DLG2: variants seen among roughly 807,000 people sequenced by gnomAD.
The protein encoded by DLG2 is discs large MAGUK scaffold protein 2.
A neutral mutation model predicts 132.5 loss-of-function variants in DLG2; 45 were observed. That is an observed-to-expected ratio of 0.34 (90% confidence interval 0.27 to 0.44). The LOEUF is 0.44. Among genes scored for constraint, DLG2 ranks in the 20% least tolerant of loss-of-function variants. The probability of loss-of-function intolerance (pLI) is 1.00; values close to 1 mark genes in which losing one functional copy is unlikely to be tolerated. For synonymous variants in DLG2, 424 were observed against 419.6 expected, an observed-to-expected ratio of 1.01 and a Z score of -0.13; for missense variants, 1,045 against 1,196.9, an observed-to-expected ratio of 0.87 and a Z score of 1.87.
chr11:84,022,464 T>C (rs1469589659), intron 11 of DLG2, among the ~76,000 whole-genome samples: 2 of 152,144 alleles, frequency 1.3e-5, no homozygotes, highest in African/African-American at 2.4e-5. Context: ...ACAAAAGCTT[T>C]TGAGAAATAA....
chr11:85,107,816 T>C (rs1358420817), intron 6 of DLG2, among the ~76,000 whole-genome samples: 3 of 151,398 alleles, frequency 2.0e-5, no homozygotes, highest in Non-Finnish European at 4.4e-5. Context: ...ATTTCATGTA[T>C]TCAGAAAGTT....
intron 5 of DLG2, among the ~76,000 whole-genome samples, chr11:85,143,792 A>G (rs955985003): frequency 6.6e-6 from 1 of 151,806 alleles, no homozygotes; most frequent in African/African-American, 2.4e-5. Flanking sequence ...CAGAAAAGAT[A>G]TTTAATATAA....
chr11:84,852,263 C>G (rs757905230), intron 6 of DLG2, among the ~76,000 whole-genome samples: 27 of 151,908 alleles, frequency 1.8e-4, no homozygotes, highest in South Asian at 4.1e-4. Context: ...CAAAAAGATC[C>G]TTGGATCTAA....
At chr11:83,569,703 A>T (rs605303) in intron 19 of DLG2, among the ~76,000 whole-genome samples, 72,411 of 152,080 alleles carry the variant, frequency 0.48, 17,888 homozygotes, top group Admixed American at 0.57. Context: ...GAGGAGAGAA[A>T]GGGGATTTTG....
At chr11:85,242,797 T>C (rs1413689959) in intron 4 of DLG2, among the ~76,000 whole-genome samples, 1 of 151,998 alleles carries the variant, frequency 6.6e-6, no homozygotes, top group East Asian at 1.9e-4. Context: ...TTCTAACACC[T>C]GTGATCTACA....
chr11:84,439,236 T>C lies in DLG2; in HGVS notation c.519+95334A>G, dbSNP rs369889307. Among the ~76,000 whole-genome samples, 15 of 152,344 alleles carry C rather than the reference T, an allele frequency of 9.8e-5. No homozygotes were observed. The South Asian group carries it at 3.1e-3, about 32-fold the overall frequency. On this transcript the variant is annotated intron_variant, in intron 7 of 27. Coordinates refer to ENST00000376104, the MANE Select transcript of DLG2 (RefSeq NM_001142699.3). ...TTATTTGTTTTCTCTGGGTTCGATG[T>C]GCCTCATCTGTAAATTAAGAGAATT...
intron 19 of DLG2, among the ~76,000 whole-genome samples, chr11:83,565,219 G>T (rs555468662): frequency 1.1e-3 from 165 of 152,256 alleles, no homozygotes; most frequent in Non-Finnish European, 1.7e-3. Flanking sequence ...TGGAGAATCA[G>T]TTCCAACTGC....
chr11:84,890,418 A>G (rs1418451811), intron 6 of DLG2, among the ~76,000 whole-genome samples: 1 of 152,138 alleles, frequency 6.6e-6, no homozygotes, highest in Non-Finnish European at 1.5e-5. Context: ...TCATATTCTT[A>G]TAAGAATTGG....
At chr11:84,243,151 T>C (rs1420356260) in intron 8 of DLG2, among the ~76,000 whole-genome samples, 4 of 152,084 alleles carry the variant, frequency 2.6e-5, no homozygotes, top group Admixed American at 1.3e-4. Flanking sequence ...CTCTGTCTGA[T>C]AGAACTTTCT....
intron 3 of DLG2, among the ~76,000 whole-genome samples, chr11:85,590,879 T>G (rs1229133693): frequency 6.6e-6 from 1 of 152,162 alleles, no homozygotes; most frequent in Non-Finnish European, 1.5e-5. Context: ...AACAATAGCT[T>G]TGGGGTTTCA....
chr11:85,105,510 T>G (rs2071589746), intron 6 of DLG2, among the ~76,000 whole-genome samples: 1 of 151,930 alleles, frequency 6.6e-6, no homozygotes, highest in Non-Finnish European at 1.5e-5. Flanking sequence ...TCACATTTCT[T>G]AAAGTAAATC....
intron 10 of DLG2, among the ~76,000 whole-genome samples, chr11:84,082,336 T>C (rs2096916996): frequency 1.3e-5 from 2 of 152,288 alleles, no homozygotes; most frequent in Admixed American, 6.5e-5. Flanking sequence ...AATAGAGGCT[T>C]TTAGTGATAA....
At chr11:85,147,102 A>T (rs149562560) in intron 5 of DLG2, among the ~76,000 whole-genome samples, 39 of 152,332 alleles carry the variant, frequency 2.6e-4, no homozygotes, top group African/African-American at 9.1e-4. Flanking sequence ...GAAGGGTGGT[A>T]TAGGCAATGC....
intron 6 of DLG2, among the ~76,000 whole-genome samples, chr11:84,714,597 C>CTCTTTG (rs2060904991): frequency 9.1e-6 from 1 of 109,940 alleles, no homozygotes; most frequent in East Asian, 2.3e-4. Flanking sequence ...CTTTCTCTTT[C>CTCTTTG]TTTCTCTTTC....
At chr11:84,420,645 G>GTT (rs1567588759) in intron 7 of DLG2, among the ~76,000 whole-genome samples, 2 of 48,914 alleles carry the variant, frequency 4.1e-5, no homozygotes, top group Admixed American at 3.2e-4. Flanking sequence ...ACCAATGCTT[G>GTT]TTTTCTTTTT....
At chr11:84,823,358 T>A (rs1045193860) in intron 6 of DLG2, among the ~76,000 whole-genome samples, 5 of 151,816 alleles carry the variant, frequency 3.3e-5, no homozygotes, top group Non-Finnish European at 7.4e-5. Flanking sequence ...TCTCTTACTG[T>A]GTTCATACTT....
At chr11:85,473,046 T>A (rs1234567288) in intron 3 of DLG2, among the ~76,000 whole-genome samples, 1 of 152,224 alleles carries the variant, frequency 6.6e-6, no homozygotes, top group East Asian at 1.9e-4. Context: ...TGCTTTCCCC[T>A]TGTCTAGACA....
intron 19 of DLG2, among the ~76,000 whole-genome samples, chr11:83,617,766 C>T (rs1040017405): frequency 1.3e-5 from 2 of 152,110 alleles, no homozygotes; most frequent in African/African-American, 2.4e-5. Flanking sequence ...AATCCCAGCA[C>T]TTTGGGAGGA....
intron 7 of DLG2, among the ~76,000 whole-genome samples, chr11:84,467,870 G>C (rs894563543): frequency 2.0e-5 from 3 of 151,322 alleles, no homozygotes; most frequent in Non-Finnish European, 4.4e-5. Context: ...ATCTACTTAG[G>C]GAAAGATACA....
Sources: allele counts gnomAD v4.1 joint callset (sites outside exome capture counted in the v4.1 genomes callset), GRCh38; gene constraint gnomAD v4.1.1; transcripts MANE v1.5; gene names NCBI Gene and HGNC (gene_info 2026-07-23, HGNC 2026-07-21).